MOCOS: variants seen among roughly 807,000 people sequenced by gnomAD.
The protein encoded by MOCOS is molybdenum cofactor sulfurase, also known as human molybdenum cofactor sulfurase.
Under a neutral mutation model 83.6 loss-of-function variants are expected in MOCOS, and 86 were observed. That is an observed-to-expected ratio of 1.03 (90% CI 0.86 to 1.23). The LOEUF (loss-of-function observed/expected upper bound fraction) is 1.23, where lower values mean the gene tolerates loss of function less well. Among genes scored for constraint, MOCOS ranks in the 50% most tolerant of loss-of-function variants. The pLI is 0.00. For missense variants in MOCOS, 1,120 were observed against 1,126.9 expected (o/e 0.99, Z 0.09); for synonymous variants, 445 against 434.7 (o/e 1.02, Z -0.29).
intron 6 of MOCOS, among the ~76,000 whole-genome samples, chr18:36,209,000 A>C (rs1216508844): frequency 6.6e-6 from 1 of 152,202 alleles, no homozygotes; most frequent in African/African-American, 2.4e-5. Flanking sequence ...TTTTTAACAG[A>C]AGGGATGCTG....
intron 9 of MOCOS, among the ~76,000 whole-genome samples, chr18:36,235,368 G>A (rs1329922883): frequency 1.4e-4 from 18 of 132,458 alleles, no homozygotes; most frequent in Admixed American, 1.1e-3. Flanking sequence ...ACCTATGAGT[G>A]AGAATATGCG....
At position 36,268,702 on chromosome 18, in the gene MOCOS, A is replaced by ACAT. The variant is rs1555657026; in HGVS notation, c.*17_*18insCAT. 2.5e-6 allele frequency: 4 copies of ACAT among 1,601,626 alleles called. No homozygotes were observed. In the South Asian group the frequency reaches 3.3e-5, roughly 13 times the overall value. On this transcript the variant is annotated 3_prime_UTR_variant, in exon 15 of 15. Coordinates refer to ENST00000261326, the MANE Select transcript of MOCOS (RefSeq NM_017947.4). ...ACCTCCTAAAAAAAATTTTTAGCATAAAGTTTCTCTTTTACAGTGATCTCT... is the reference window on the plus strand; with the variant it reads ...ACCTCCTAAAAAAAATTTTTAGCATACATAAGTTTCTCTTTTACAGTGATCTCT...
At chr18:36,225,447 G>T (rs2091511954) in intron 9 of MOCOS, among the ~76,000 whole-genome samples, 1 of 152,156 alleles carries the variant, frequency 6.6e-6, no homozygotes, top group Non-Finnish European at 1.5e-5. Flanking sequence ...ACTGTGCCCG[G>T]CAAGTTTTCT....
intron 8 of MOCOS, among the ~76,000 whole-genome samples, chr18:36,218,010 C>G (rs893081948): frequency 6.6e-6 from 1 of 152,164 alleles, no homozygotes; most frequent in African/African-American, 2.4e-5. Context: ...AGAACATCAT[C>G]TCCATTAGTT....
intron 10 of MOCOS, 52 bp downstream of exon 10, chr18:36,249,052 G>C (rs1370895164): frequency 6.9e-7 from 1 of 1,455,100 alleles, no homozygotes; most frequent in Non-Finnish European, 9.6e-7. Flanking sequence ...GGCTGGCACA[G>C]AGGGGGAAGA....
In MOCOS at chr18:36,214,262, AGAAAAG is replaced by A. The variant is rs1173668226; in HGVS notation, c.1335+781_1335+786del. Among the ~76,000 whole-genome samples, 10 of 33,254 alleles carry A rather than the reference AGAAAAG, an allele frequency of 3.0e-4. 4 individuals are homozygous for A. Among genetic ancestry groups the A allele is most frequent in the East Asian group, 4.1e-3 (2 of 490 alleles). The allele number at this position is 33,254 out of a possible 152,430, so 21.8% of individuals were successfully genotyped here. Reference sequence around the variant, plus strand: ...TCAGTCTCAAAAAAAAAAAAAAAAAAGAAAAGAAAAAAAAGAAAATGCTTCAAGATA... The same window carrying A: ...TCAGTCTCAAAAAAAAAAAAAAAAAAAAAAAAAAGAAAATGCTTCAAGATA... On this transcript the variant is annotated intron_variant, in intron 7 of 14. Coordinates refer to ENST00000261326, the MANE Select transcript of MOCOS (RefSeq NM_017947.4).
intron 9 of MOCOS, among the ~76,000 whole-genome samples, chr18:36,248,454 G>A (rs188042574): frequency 1.4e-4 from 21 of 152,146 alleles, no homozygotes; most frequent in African/African-American, 4.8e-4. Flanking sequence ...CTATAATTCT[G>A]TTTCTCTATT....
intron 9 of MOCOS, among the ~76,000 whole-genome samples, chr18:36,239,647 C>A (rs1224716429): frequency 2.7e-5 from 4 of 145,932 alleles, no homozygotes; most frequent in Admixed American, 1.4e-4. Context: ...ATCTTTGTGG[C>A]GTTCTCCGTA....
intron 11 of MOCOS, 46 bp from the exon 12 acceptor site, chr18:36,256,922 C>A: frequency 6.8e-7 from 1 of 1,466,564 alleles, no homozygotes; most frequent in Non-Finnish European, 9.6e-7. Context: ...GATTCACTGG[C>A]ATTCTGAGAA....
intron 6 of MOCOS, among the ~76,000 whole-genome samples, chr18:36,207,629 A>G (rs988469786): frequency 2.6e-5 from 4 of 152,064 alleles, no homozygotes; most frequent in African/African-American, 7.2e-5. Context: ...TTCTTTGCCC[A>G]TTTTTAATGG....
chr18:36,195,729 G>C (rs1174855375), intron 2 of MOCOS, among the ~76,000 whole-genome samples: 1 of 152,206 alleles, frequency 6.6e-6, no homozygotes, highest in Non-Finnish European at 1.5e-5. Context: ...GATGTGTGGG[G>C]GACAGTGCTA....
chr18:36,190,911 C>T (rs1438183445), intron 1 of MOCOS, among the ~76,000 whole-genome samples: 1 of 151,214 alleles, frequency 6.6e-6, no homozygotes, highest in East Asian at 1.9e-4. Flanking sequence ...GTGGCACATG[C>T]CTGTAATCCC....
intron 1 of MOCOS, among the ~76,000 whole-genome samples, chr18:36,194,900 A>G (rs1265763085): frequency 6.6e-6 from 1 of 152,226 alleles, no homozygotes; most frequent in Non-Finnish European, 1.5e-5. Flanking sequence ...CTCTCCCCTC[A>G]GGGACTCCTC....
intron 12 of MOCOS, among the ~76,000 whole-genome samples, chr18:36,257,732 G>A (rs1208910490): frequency 3.9e-5 from 6 of 152,236 alleles, no homozygotes; most frequent in African/African-American, 1.4e-4. Flanking sequence ...CAGGGTGACT[G>A]GGACGGGCTC....
intron 4 of MOCOS, among the ~76,000 whole-genome samples, chr18:36,201,386 G>A (rs1052569284): frequency 2.0e-5 from 3 of 152,052 alleles, no homozygotes; most frequent in East Asian, 1.9e-4. Context: ...ATATTGGGTC[G>A]GGTGTGGTGG....
intron 1 of MOCOS, among the ~76,000 whole-genome samples, chr18:36,189,182 C>T (rs2091355508): frequency 6.6e-6 from 1 of 152,144 alleles, no homozygotes; most frequent in South Asian, 2.1e-4. Context: ...TTCTGGTCCC[C>T]TCCTGGTTTC....
At chr18:36,212,389 C>T (rs1232308019) in intron 6 of MOCOS, among the ~76,000 whole-genome samples, 4 of 151,796 alleles carry the variant, frequency 2.6e-5, no homozygotes, top group South Asian at 4.2e-4. Flanking sequence ...GGGAGCTGGA[C>T]GGGGGTCGGG....
chr18:36,197,822 A>T (rs2091395550), intron 2 of MOCOS, among the ~76,000 whole-genome samples: 1 of 150,598 alleles, frequency 6.6e-6, no homozygotes, highest in African/African-American at 2.4e-5. Context: ...TTAGTGATTG[A>T]CCTAGTGATG....
chr18:36,218,056 G>A (rs1336598606), intron 8 of MOCOS, among the ~76,000 whole-genome samples: 8 of 152,150 alleles, frequency 5.3e-5, no homozygotes, highest in Admixed American at 2.0e-4. Context: ...AGGATGGGGC[G>A]ACAAGGCTTG....
Sources: gnomAD v4.1 joint callset for allele counts (sites outside exome capture counted in the v4.1 genomes callset) on GRCh38, gnomAD v4.1.1 for gene constraint, MANE v1.5 for transcripts, NCBI Gene and HGNC (gene_info 2026-07-23, HGNC 2026-07-21) for gene names.